The following PTPRN2 variants were observed in gnomAD, a reference collection of about 807,000 sequenced individuals.
PTPRN2 encodes protein tyrosine phosphatase receptor type N2.
Under a neutral mutation model 118.8 loss-of-function variants are expected in PTPRN2, and 74 were observed. That is an observed-to-expected ratio of 0.62 (90% confidence interval 0.52 to 0.76). The LOEUF is 0.76. Among genes scored for constraint, PTPRN2 ranks in the 30% least tolerant of loss-of-function variants. The pLI, the probability that PTPRN2 is intolerant of heterozygous loss-of-function variation, is 0.00. For missense variants in PTPRN2, 1,481 were observed against 1,394.4 expected (o/e 1.06, Z -0.99); for synonymous variants, 641 against 608.0 (o/e 1.05, Z -0.80).
chr7:157,733,084 C>T (rs1800042964), intron 12 of PTPRN2, among the ~76,000 whole-genome samples: 1 of 33,432 alleles, frequency 3.0e-5, no homozygotes, highest in African/African-American at 1.6e-4. Context: ...AGTTACTCTT[C>T]CGTCCCATGC....
intron 10 of PTPRN2, among the ~76,000 whole-genome samples, chr7:158,082,649 C>T (rs970151661): frequency 4.6e-5 from 7 of 152,204 alleles, no homozygotes; most frequent in Admixed American, 2.6e-4. Flanking sequence ...TCTAACCTTA[C>T]GGATATTCCC....
At position 158,071,763 on chromosome 7, in the gene PTPRN2, G is replaced by C. The variant is rs111163558; in HGVS notation, c.1723+9535C>G. On this transcript the variant is annotated intron_variant, in intron 11 of 22. Coordinates refer to ENST00000389418, the MANE Select transcript of PTPRN2 (RefSeq NM_002847.5). ...GGAGGTGCTCATGGTGGAGGTGCTC[G>C]TGGTGATGGAGGTGCTTGTGGTGGT... 3.3e-4 allele frequency among the ~76,000 whole-genome samples: 42 copies of C among 125,706 alleles called. No individual in the cohort carries two copies. The East Asian group carries it at 3.5e-3, about 11-fold the overall frequency. 82.5% of individuals were successfully genotyped at this position (125,706 alleles called of 152,430 possible).
chr7:158,202,303 C>T (rs1390195622), intron 4 of PTPRN2, among the ~76,000 whole-genome samples: 2 of 152,202 alleles, frequency 1.3e-5, no homozygotes, highest in Non-Finnish European at 2.9e-5. Context: ...ATGGGCCACA[C>T]TGTTTCTTAT....
chr7:158,133,789 T>G lies in PTPRN2; in HGVS notation c.1444A>C (p.Lys482Gln). 6.2e-7 allele frequency: 1 copy of G among 1,613,940 alleles called. No homozygotes were observed. The highest frequency in any genetic ancestry group is 8.5e-7 in the Non-Finnish European group (1 of 1,180,010). The change falls in exon 9 of 23, where the codon AAG (lysine) becomes CAG (glutamine). Residue 482 changes from lysine (K) to glutamine (Q), a missense_variant. Transcript: ENST00000389418. ...CCCGCTGGAAGGCTCTGCTCCTCCT[T>G]CGAGGGCCCAGGCATCTGGTTTTGG... is the stretch of plus-strand genomic sequence containing the variant. The part of the protein sequence containing the change: ...ELQNQMPGPS[K>Q]EEQSLPAGAQ...
chr7:157,705,974 A>C (rs556682610), intron 12 of PTPRN2, among the ~76,000 whole-genome samples: 1 of 152,258 alleles, frequency 6.6e-6, no homozygotes, highest in South Asian at 2.1e-4. Flanking sequence ...CTTCCAGATC[A>C]ATGTGACCAC....
rs1801444835 is a variant in PTPRN2 at position 158,308,263 on chromosome 7, T to A, written c.277+8556A>T. Among the ~76,000 whole-genome samples, 10 of 152,272 alleles carry A rather than the reference T, an allele frequency of 6.6e-5. No homozygotes were observed. In the South Asian group the frequency reaches 2.1e-3, roughly 32 times the overall value. On this transcript the variant is annotated intron_variant, in intron 3 of 22. Coordinates refer to ENST00000389418, the MANE Select transcript of PTPRN2 (RefSeq NM_002847.5). ...ATTCTATATTCAGAAAATCGATCCT[T>A]CAAAACTAAAGGAGAAATCAATACA... is the stretch of plus-strand genomic sequence containing the variant.
chr7:158,298,214 T>C (rs1265054803), intron 3 of PTPRN2, among the ~76,000 whole-genome samples: 1 of 152,212 alleles, frequency 6.6e-6, no homozygotes, highest in Non-Finnish European at 1.5e-5. Context: ...TTCGTACCTA[T>C]TTCAGTATTT....
intron 11 of PTPRN2, among the ~76,000 whole-genome samples, chr7:157,933,413 G>A (rs1585041347): frequency 6.7e-6 from 1 of 149,342 alleles, no homozygotes; most frequent in Non-Finnish European, 1.5e-5. Flanking sequence ...AGTTTTAGAG[G>A]AAGGGTGAGT....
chr7:158,393,751 T>G (rs1356450908), intron 2 of PTPRN2, among the ~76,000 whole-genome samples: 1 of 152,170 alleles, frequency 6.6e-6, no homozygotes, highest in Non-Finnish European at 1.5e-5. Flanking sequence ...GAAGGAATCA[T>G]GACGTGATTG....
intron 13 of PTPRN2, among the ~76,000 whole-genome samples, chr7:157,677,938 G>A (rs951438334): frequency 2.6e-5 from 4 of 152,166 alleles, no homozygotes; most frequent in Admixed American, 2.0e-4. Flanking sequence ...GTCTGTTCCC[G>A]GACAATCTGC....
intron 11 of PTPRN2, among the ~76,000 whole-genome samples, chr7:158,064,505 C>G (rs1396825198): frequency 6.6e-6 from 1 of 152,174 alleles, no homozygotes; most frequent in Non-Finnish European, 1.5e-5. Flanking sequence ...CTTGGACACA[C>G]TGGTCACGCC....
chr7:157,965,963 C>A (rs1801894317), intron 11 of PTPRN2, among the ~76,000 whole-genome samples: 1 of 152,202 alleles, frequency 6.6e-6, no homozygotes, highest in South Asian at 2.1e-4. Context: ...GTGGAATCAG[C>A]TTCCCAAAGC....
intron 12 of PTPRN2, among the ~76,000 whole-genome samples, chr7:157,685,063 G>GCGCCCCTCGCCGCCCCT (rs1163522473): frequency 3.3e-5 from 5 of 151,902 alleles, no homozygotes; most frequent in African/African-American, 1.2e-4. Flanking sequence ...GGCCCGGCCT[G>GCGCCCCTCGCCGCCCCT]CGCCCCTCGC....
At chr7:157,570,309 T>C (rs1799694558) in intron 20 of PTPRN2, among the ~76,000 whole-genome samples, 1 of 152,258 alleles carries the variant, frequency 6.6e-6, no homozygotes, top group Admixed American at 6.5e-5. Flanking sequence ...AAGTGTTGCT[T>C]GTCTTGATAC....
intron 4 of PTPRN2, among the ~76,000 whole-genome samples, chr7:158,196,454 T>A (rs1000965089): frequency 6.6e-6 from 1 of 152,098 alleles, no homozygotes; most frequent in Non-Finnish European, 1.5e-5. Flanking sequence ...TTATACCCCA[T>A]CTAGGGAGGT....
At chr7:158,300,783 A>T (rs927313850) in intron 3 of PTPRN2, among the ~76,000 whole-genome samples, 6 of 151,454 alleles carry the variant, frequency 4.0e-5, no homozygotes, top group Non-Finnish European at 7.4e-5. Flanking sequence ...GTGTGGAGGG[A>T]GGGGAGGTGG....
chr7:158,155,649 TTGC>T, intron 6 of PTPRN2, among the ~76,000 whole-genome samples: 2 of 20,926 alleles, frequency 9.6e-5, no homozygotes, highest in Non-Finnish European at 2.1e-4. Flanking sequence ...ACCGTCATCA[TTGC>T]CATCATCACC....
chr7:158,253,427 G>A (rs1796816152), intron 3 of PTPRN2, among the ~76,000 whole-genome samples: 1 of 152,226 alleles, frequency 6.6e-6, no homozygotes, highest in Non-Finnish European at 1.5e-5. Context: ...TAGAAAGGAG[G>A]AAGCACTCAA....
chr7:157,604,142 G>GC, intron 15 of PTPRN2, 67 bp from the exon 16 acceptor site: 1 of 1,450,344 alleles, frequency 6.9e-7, no homozygotes, highest in Non-Finnish European at 9.6e-7. Flanking sequence ...CCCCCACTTG[G>GC]CCTCCAGGGC....
Sources: allele counts gnomAD v4.1 joint callset (sites outside exome capture counted in the v4.1 genomes callset), GRCh38; gene constraint gnomAD v4.1.1; transcripts MANE v1.5; gene names NCBI Gene and HGNC (gene_info 2026-07-23, HGNC 2026-07-21).